Variants in ARHGEF3 observed in about 807,000 individuals in gnomAD.
The protein encoded by ARHGEF3 is Rho guanine nucleotide exchange factor 3, also known as 59.8 kDA protein.
A neutral mutation model predicts 63.2 loss-of-function variants in ARHGEF3; 28 were observed. The ratio of observed to expected loss-of-function variants is 0.44; its 90% CI spans 0.33 to 0.61. The LOEUF (loss-of-function observed/expected upper bound fraction) is 0.61. Ranked by LOEUF, ARHGEF3 falls within the 20% of genes least tolerant of loss-of-function variation. The pLI, the probability that ARHGEF3 is intolerant of heterozygous loss-of-function variation, is 0.03. For synonymous variants in ARHGEF3, 266 were observed against 254.2 expected (o/e 1.05, Z -0.44); for missense variants, 533 against 659.3 (o/e 0.81, Z 2.10).
rs542180926 is a variant in ARHGEF3 at position 56,917,517 on chromosome 3, CAGA to C, written c.130-35166_130-35164del. On this transcript the variant is annotated intron_variant, in intron 3 of 12. Transcript: ENST00000338458. Reference sequence around the variant, plus strand: ...TTTGAACAACAAGCTTCCGGTCTAACAGAAGGAGATTAAATCCAAGACTTTTAT... The same window carrying C: ...TTTGAACAACAAGCTTCCGGTCTAACAGGAGATTAAATCCAAGACTTTTAT... 1.6e-3 allele frequency among the ~76,000 whole-genome samples: 238 copies of C among 152,256 alleles called. 1 individual carries two copies. The highest frequency in any genetic ancestry group is 3.3e-3 in the South Asian group (16 of 4,818).
chr3:56,875,768 G>T (rs994497407), intron 4 of ARHGEF3, among the ~76,000 whole-genome samples: 2 of 152,180 alleles, frequency 1.3e-5, no homozygotes, highest in Non-Finnish European at 2.9e-5. Context: ...TTCATTCAAT[G>T]TTTATTCAGC....
At chr3:56,911,443 CAGGAAT>C (rs2041850233) in intron 3 of ARHGEF3, among the ~76,000 whole-genome samples, 1 of 152,118 alleles carries the variant, frequency 6.6e-6, no homozygotes, top group African/African-American at 2.4e-5. Context: ...CGGCCAGTAT[CAGGAAT>C]GAGTTTCCCT....
At chr3:56,970,729 G>A (rs573907380) in intron 2 of ARHGEF3, among the ~76,000 whole-genome samples, 34 of 152,300 alleles carry the variant, frequency 2.2e-4, no homozygotes, top group South Asian at 8.3e-4. Context: ...CTTTTCATGC[G>A]TGCAATCTCC....
intron 3 of ARHGEF3, among the ~76,000 whole-genome samples, chr3:56,928,209 C>A (rs1234308265): frequency 1.3e-5 from 2 of 152,190 alleles, no homozygotes; most frequent in Non-Finnish European, 2.9e-5. Context: ...AAGAAACTCC[C>A]CCTTGTTGAG....
chr3:57,002,036 G>A (rs1182134254), intron 2 of ARHGEF3, among the ~76,000 whole-genome samples: 2 of 145,514 alleles, frequency 1.4e-5, no homozygotes, highest in Non-Finnish European at 3.0e-5. Flanking sequence ...CCATTCTCCT[G>A]CCTCAGCCTC....
chr3:56,847,787 AGGCTGTTCT>A (rs1180826733), intron 4 of ARHGEF3, among the ~76,000 whole-genome samples: 1 of 152,204 alleles, frequency 6.6e-6, no homozygotes, highest in Non-Finnish European at 1.5e-5. Context: ...CATGTTGGCC[AGGCTGTTCT>A]TGAACTCCTG....
At chr3:57,040,337 C>T (rs552263360) in intron 1 of ARHGEF3, among the ~76,000 whole-genome samples, 6 of 152,108 alleles carry the variant, frequency 3.9e-5, no homozygotes, top group Admixed American at 2.0e-4. Flanking sequence ...ATTAGCCAGC[C>T]GTGGTGGCAC....
chr3:56,877,924 A>T (rs1277371282), intron 4 of ARHGEF3, among the ~76,000 whole-genome samples: 1 of 152,192 alleles, frequency 6.6e-6, no homozygotes, highest in Non-Finnish European at 1.5e-5. Flanking sequence ...AATATTTCAT[A>T]ATGAAAAAAA....
chr3:56,728,010 G>C lies in ARHGEF3; in HGVS notation c.*1260C>G. 1 of 152,552 alleles carries C rather than the reference G, an allele frequency of 6.6e-6. No individual in the cohort carries two copies. Among genetic ancestry groups the C allele is most frequent in the East Asian group, 1.9e-4 (1 of 5,202 alleles). The allele number at this position is 152,552 out of a possible 1,614,324, so 9.4% of individuals were successfully genotyped here. ...CTGGTGTGGGTATAATTTTGCACAG[G>C]TCATCCTTAATATTTACACTTGCAG... On this transcript the variant is annotated 3_prime_UTR_variant, in exon 10 of 10. Transcript: ENST00000296315.
chr3:56,798,541 T>C (rs1411004878), intron 1 of ARHGEF3, among the ~76,000 whole-genome samples: 1 of 53,046 alleles, frequency 1.9e-5, no homozygotes, highest in African/African-American at 3.5e-5. Flanking sequence ...TACTTCGTTT[T>C]TTTTTTTTTT....
chr3:56,807,898 T>C (rs1182656190), intron 4 of ARHGEF3, among the ~76,000 whole-genome samples: 1 of 150,254 alleles, frequency 6.7e-6, no homozygotes, highest in Admixed American at 6.6e-5. Flanking sequence ...CCAAGGCGGG[T>C]GGATCGCCTG....
chr3:56,811,561 G>A (rs1169776961), intron 4 of ARHGEF3, among the ~76,000 whole-genome samples: 1 of 152,160 alleles, frequency 6.6e-6, no homozygotes, highest in Non-Finnish European at 1.5e-5. Flanking sequence ...TATTAGACAC[G>A]CTTCACAAAG....
At chr3:57,056,666 G>A (rs896350548) in intron 1 of ARHGEF3, among the ~76,000 whole-genome samples, 23 of 152,068 alleles carry the variant, frequency 1.5e-4, no homozygotes, top group African/African-American at 4.3e-4. Context: ...AAGCAGAATC[G>A]GTTATCGTTT....
chr3:56,801,624 G>C (rs1256982103), intron 1 of ARHGEF3, 79 bp downstream of exon 1: 50 of 1,497,722 alleles, frequency 3.3e-5, no homozygotes, highest in Non-Finnish European at 4.4e-5. Context: ...GACACTGGAC[G>C]GGCGCCGAGA....
intron 4 of ARHGEF3, among the ~76,000 whole-genome samples, chr3:56,877,612 A>T (rs933954155): frequency 3.3e-5 from 5 of 152,024 alleles, no homozygotes; most frequent in African/African-American, 4.8e-5. Context: ...GGCTCAAGTG[A>T]TCCTCTCGCC....
chr3:57,017,032 TCACACACA>T (rs1553806980), intron 2 of ARHGEF3, among the ~76,000 whole-genome samples: 38 of 104,390 alleles, frequency 3.6e-4, no homozygotes, highest in Middle Eastern at 5.1e-3. Flanking sequence ...TCTCTCTCTC[TCACACACA>T]CACACACACA....
At chr3:56,747,965 T>C (rs1468096069) in intron 6 of ARHGEF3, among the ~76,000 whole-genome samples, 1 of 152,228 alleles carries the variant, frequency 6.6e-6, no homozygotes, top group Non-Finnish European at 1.5e-5. Flanking sequence ...AGGTAAAGCA[T>C]ACAAAATGTG....
intron 3 of ARHGEF3, among the ~76,000 whole-genome samples, chr3:56,947,198 G>A (rs1223549614): frequency 6.6e-6 from 1 of 152,238 alleles, no homozygotes; most frequent in East Asian, 1.9e-4. Context: ...GACCATCGAG[G>A]CTAGGAAGAA....
At chr3:56,976,030 G>A (rs1560101826) in intron 2 of ARHGEF3, among the ~76,000 whole-genome samples, 1 of 151,894 alleles carries the variant, frequency 6.6e-6, no homozygotes, top group South Asian at 2.1e-4. Context: ...AATAATCAAC[G>A]CTTAGAAGGT....
Sources: gnomAD v4.1 joint callset for allele counts (sites outside exome capture counted in the v4.1 genomes callset) on GRCh38, gnomAD v4.1.1 for gene constraint, MANE v1.5 for transcripts, NCBI Gene and HGNC (gene_info 2026-07-23, HGNC 2026-07-21) for gene names.